The following IMMP2L variants were observed in gnomAD, a reference collection of about 807,000 sequenced individuals.
IMMP2L encodes inner mitochondrial membrane peptidase subunit 2.
IMMP2L carries 18 observed loss-of-function variants against 19.3 expected under a neutral mutation model. The ratio of observed to expected loss-of-function variants is 0.93; its 90% confidence interval spans 0.64 to 1.38. IMMP2L has a LOEUF of 1.38. Ranked by LOEUF, IMMP2L falls within the 40% of genes most tolerant of loss-of-function variation. IMMP2L has a pLI of 0.00. For missense variants in IMMP2L, 233 were observed against 218.2 expected, an observed-to-expected ratio of 1.07 and a Z score of -0.43; for synonymous variants, 76 against 73.0, an observed-to-expected ratio of 1.04 and a Z score of -0.21.
intron 3 of IMMP2L, among the ~76,000 whole-genome samples, chr7:111,057,179 A>C (rs1793591921): frequency 6.6e-6 from 1 of 152,120 alleles, no homozygotes; most frequent in South Asian, 2.1e-4. Context: ...CCTTCTCTGC[A>C]TTTTTTAGAG....
chr7:111,011,221 T>C (rs1295495911), intron 3 of IMMP2L, among the ~76,000 whole-genome samples: 2 of 152,124 alleles, frequency 1.3e-5, no homozygotes, highest in Non-Finnish European at 2.9e-5. Flanking sequence ...AGATTAATCA[T>C]GTTGAATTAT....
At chr7:111,278,344 G>A (rs965741923) in intron 3 of IMMP2L, among the ~76,000 whole-genome samples, 1 of 152,178 alleles carries the variant, frequency 6.6e-6, no homozygotes, top group Non-Finnish European at 1.5e-5. Flanking sequence ...AACATGGTTT[G>A]TATGTGCAGC....
chr7:111,075,322 T>G (rs1795309030), intron 3 of IMMP2L, among the ~76,000 whole-genome samples: 1 of 151,956 alleles, frequency 6.6e-6, no homozygotes, highest in South Asian at 2.1e-4. Flanking sequence ...GAGATGGGGT[T>G]TCACCATGTT....
intron 3 of IMMP2L, among the ~76,000 whole-genome samples, chr7:110,993,923 A>T (rs924460089): frequency 1.3e-5 from 2 of 151,830 alleles, no homozygotes; most frequent in Admixed American, 6.6e-5. Flanking sequence ...CATCTGAAGG[A>T]GTCTGCCTCT....
intron 3 of IMMP2L, among the ~76,000 whole-genome samples, chr7:111,243,639 T>C (rs1815474634): frequency 8.4e-6 from 1 of 119,050 alleles, no homozygotes; most frequent in Non-Finnish European, 1.7e-5. Context: ...TAGCATTAGG[T>C]ATATCTCCCA....
At chr7:111,321,741 C>T (rs150690506) in intron 3 of IMMP2L, among the ~76,000 whole-genome samples, 65 of 152,024 alleles carry the variant, frequency 4.3e-4, no homozygotes, top group African/African-American at 1.5e-3. Flanking sequence ...TCTTAGCAGA[C>T]TCACTCTTCA....
intron 3 of IMMP2L, among the ~76,000 whole-genome samples, chr7:111,451,217 C>A (rs1322435405): frequency 9.3e-6 from 1 of 107,396 alleles, no homozygotes; most frequent in Admixed American, 8.4e-5. Context: ...TGGGTATATA[C>A]CCCCAAATGA....
chr7:111,478,219 T>C (rs1018364490), intron 3 of IMMP2L, among the ~76,000 whole-genome samples: 1 of 152,194 alleles, frequency 6.6e-6, no homozygotes, highest in African/African-American at 2.4e-5. Context: ...TGACCCATCA[T>C]CCAGTTCACT....
chr7:111,388,517 G>T (rs573223932), intron 3 of IMMP2L, among the ~76,000 whole-genome samples: 1 of 152,100 alleles, frequency 6.6e-6, no homozygotes, highest in African/African-American at 2.4e-5. Flanking sequence ...TACATGTAAT[G>T]TACATATGTA....
At chr7:111,498,615 C>A (rs1843827398) in intron 2 of IMMP2L, among the ~76,000 whole-genome samples, 1 of 151,962 alleles carries the variant, frequency 6.6e-6, no homozygotes, top group African/African-American at 2.4e-5. Flanking sequence ...GCATGATTCC[C>A]TCAGAAGCAT....
At chr7:111,448,293 A>C (rs1838736943) in intron 3 of IMMP2L, among the ~76,000 whole-genome samples, 1 of 134,596 alleles carries the variant, frequency 7.4e-6, no homozygotes, top group Non-Finnish European at 1.6e-5. Context: ...TCCAAAATTG[A>C]CCACATAGTT....
chr7:111,175,944 A>G (rs116061065), intron 3 of IMMP2L, among the ~76,000 whole-genome samples: 1,808 of 152,046 alleles, frequency 0.012, 40 homozygotes, highest in African/African-American at 0.041. Flanking sequence ...CAATAATCTG[A>G]TTAAAAATGG....
chr7:111,194,265 G>A (rs1489376172), intron 3 of IMMP2L, among the ~76,000 whole-genome samples: 2 of 152,124 alleles, frequency 1.3e-5, no homozygotes, highest in Non-Finnish European at 2.9e-5. Context: ...ATAAACATTT[G>A]ATGAACTGAG....
At chr7:110,918,045 A>C (rs1010325703) in intron 4 of IMMP2L, among the ~76,000 whole-genome samples, 3 of 152,144 alleles carry the variant, frequency 2.0e-5, no homozygotes, top group Admixed American at 6.5e-5. Flanking sequence ...TTTACCACCA[A>C]CAACAGGCCA....
intron 5 of IMMP2L, among the ~76,000 whole-genome samples, chr7:110,817,826 G>C (rs1802668668): frequency 6.6e-6 from 1 of 152,212 alleles, no homozygotes; most frequent in Admixed American, 6.5e-5. Context: ...ACAACCATCT[G>C]ATCTTTGACA....
intron 4 of IMMP2L, among the ~76,000 whole-genome samples, chr7:110,943,857 G>C (rs900645378): frequency 2.0e-5 from 3 of 151,980 alleles, no homozygotes; most frequent in African/African-American, 7.2e-5. Context: ...CTGCTGGAGA[G>C]AGAAAAATGA....
chr7:110,722,021 A>G (rs1163795330), intron 5 of IMMP2L, among the ~76,000 whole-genome samples: 2 of 152,148 alleles, frequency 1.3e-5, no homozygotes, highest in African/African-American at 4.8e-5. Flanking sequence ...GGCAAGACTG[A>G]TGAAGGTTTA....
intron 3 of IMMP2L, among the ~76,000 whole-genome samples, chr7:111,037,735 ACT>A (rs1791488186): frequency 6.6e-6 from 1 of 152,198 alleles, no homozygotes; most frequent in Non-Finnish European, 1.5e-5. Flanking sequence ...CCTTGTTAAC[ACT>A]GAACATAAAG....
chr7:111,294,593 G>A (rs769363471), intron 3 of IMMP2L, among the ~76,000 whole-genome samples: 6 of 151,716 alleles, frequency 4.0e-5, no homozygotes, highest in Non-Finnish European at 5.9e-5. Flanking sequence ...TTGAGCAACC[G>A]TGGCAACAAA....
Sources: gnomAD v4.1 joint callset for allele counts (sites outside exome capture counted in the v4.1 genomes callset) on GRCh38, gnomAD v4.1.1 for gene constraint, MANE v1.5 for transcripts, NCBI Gene and HGNC (gene_info 2026-07-23, HGNC 2026-07-21) for gene names.